The following RORA variants were observed in gnomAD, a reference collection of about 807,000 sequenced individuals.
RORA encodes the protein RAR related orphan receptor A.
RORA carries 7 observed loss-of-function variants against 69.5 expected under a neutral mutation model. The observed-to-expected ratio is 0.10, with a 90% CI of 0.06 to 0.19. RORA has a LOEUF of 0.19. Ranked by LOEUF, RORA falls within the 10% of genes least tolerant of loss-of-function variation. The probability of loss-of-function intolerance (pLI) is 1.00; values close to 1 mark genes in which losing one functional copy is unlikely to be tolerated. For missense variants in RORA, 457 were observed against 663.0 expected, an observed-to-expected ratio of 0.69 and a Z score of 3.41; for synonymous variants, 261 against 240.8, an observed-to-expected ratio of 1.08 and a Z score of -0.78.
At chr15:60,529,948 G>A (rs973862594) in intron 3 of RORA, 8 of 152,180 alleles carry the variant, frequency 5.3e-5, no homozygotes, top group African/African-American at 1.2e-4. Context: ...AGAATGAAGG[G>A]ACAAATGGTG....
chr15:61,127,618 C>T (rs754204849), intron 1 of RORA, among the ~76,000 whole-genome samples: 2 of 152,186 alleles, frequency 1.3e-5, no homozygotes, highest in Non-Finnish European at 2.9e-5. Context: ...TCATGTCTGA[C>T]GATTCTGGAG....
chr15:60,874,126 C>T (rs1482033689), intron 1 of RORA, among the ~76,000 whole-genome samples: 1 of 152,088 alleles, frequency 6.6e-6, no homozygotes, highest in African/African-American at 2.4e-5. Flanking sequence ...ATAAAAATCT[C>T]ATTTTATAAT....
intron 2 of RORA, among the ~76,000 whole-genome samples, chr15:60,572,918 C>G (rs932121161): frequency 2.6e-5 from 4 of 152,214 alleles, no homozygotes; most frequent in African/African-American, 9.7e-5. Flanking sequence ...ACCACAGCAA[C>G]TCTAATTCAA....
intron 1 of RORA, among the ~76,000 whole-genome samples, chr15:60,839,836 C>G: frequency 6.6e-6 from 1 of 152,182 alleles, no homozygotes; most frequent in East Asian, 1.9e-4. Flanking sequence ...GTGCATATAT[C>G]ATATATGTCT....
At chr15:60,605,593 T>C (rs779378309) in intron 2 of RORA, among the ~76,000 whole-genome samples, 4 of 152,194 alleles carry the variant, frequency 2.6e-5, no homozygotes, top group Non-Finnish European at 4.4e-5. Context: ...TGATCAGATA[T>C]GATTAATGAT....
At chr15:61,212,411 A>T (rs1567039800) in intron 1 of RORA, among the ~76,000 whole-genome samples, 1 of 152,016 alleles carries the variant, frequency 6.6e-6, no homozygotes, top group East Asian at 1.9e-4. Flanking sequence ...TTACTTATTT[A>T]TTTTTTGGGA....
At chr15:60,697,292 G>C (rs1480733451) in intron 1 of RORA, among the ~76,000 whole-genome samples, 17 of 152,076 alleles carry the variant, frequency 1.1e-4, no homozygotes, top group Admixed American at 1.1e-3. Flanking sequence ...AAGCCCATTG[G>C]AATAAACATC....
At chr15:60,806,448 C>T (rs2072660897) in intron 1 of RORA, among the ~76,000 whole-genome samples, 1 of 152,152 alleles carries the variant, frequency 6.6e-6, no homozygotes, top group South Asian at 2.1e-4. Flanking sequence ...TCCGGAATGC[C>T]ACTCTTTTAA....
intron 1 of RORA, among the ~76,000 whole-genome samples, chr15:61,104,577 A>G (rs971636445): frequency 5.3e-5 from 8 of 152,200 alleles, no homozygotes; most frequent in African/African-American, 1.9e-4. Flanking sequence ...AATTGTCTAT[A>G]AGGTCCTGAT....
rs1480198961 is a variant in RORA, at chr15:61,092,094, A to C, written c.166+136959T>G. Among the ~76,000 whole-genome samples, 4 of 152,230 alleles carry C rather than the reference A, an allele frequency of 2.6e-5. No homozygotes were observed. In the East Asian group the frequency reaches 7.7e-4, roughly 29 times the overall value. On this transcript the variant is annotated intron_variant, in intron 1 of 10. Coordinates refer to ENST00000335670, the MANE Select transcript of RORA (RefSeq NM_134261.3). ...TCCTCTAGGGAACTTGGGCCAACACAATGTATTGTTTGGGATCAGGAGAAA... is the reference window on the plus strand; with the variant it reads ...TCCTCTAGGGAACTTGGGCCAACACCATGTATTGTTTGGGATCAGGAGAAA...
intron 1 of RORA, chr15:61,214,265 G>A (rs545334701): frequency 5.9e-5 from 9 of 152,338 alleles, no homozygotes; most frequent in South Asian, 2.1e-4. Flanking sequence ...TTATTAGGCT[G>A]AATATGATAT....
chr15:60,755,599 C>A (rs1259621120), intron 1 of RORA, among the ~76,000 whole-genome samples: 2 of 152,212 alleles, frequency 1.3e-5, no homozygotes, highest in East Asian at 3.9e-4. Context: ...ACAGTCCCAC[C>A]AACAGTGTAA....
intron 1 of RORA, among the ~76,000 whole-genome samples, chr15:60,884,147 G>C (rs1452223971): frequency 6.6e-6 from 1 of 151,950 alleles, no homozygotes. Flanking sequence ...TGGAATAAAA[G>C]AGCTATGCTG....
intron 1 of RORA, among the ~76,000 whole-genome samples, chr15:60,740,858 T>G (rs1320516980): frequency 6.6e-6 from 1 of 152,202 alleles, no homozygotes; most frequent in African/African-American, 2.4e-5. Flanking sequence ...AGAATCCTGT[T>G]GCTACCAATA....
chr15:60,592,624 T>C, intron 2 of RORA: 1 of 1,129,972 alleles, frequency 8.8e-7, no homozygotes, highest in African/African-American at 1.8e-5. Context: ...CTCCGCTTCC[T>C]CCCGGGGCGG....
At chr15:60,901,863 G>A (rs1357696804) in intron 1 of RORA, among the ~76,000 whole-genome samples, 1 of 152,186 alleles carries the variant, frequency 6.6e-6, no homozygotes, top group African/African-American at 2.4e-5. Flanking sequence ...ATGCATTCCA[G>A]TAGTGAAACT....
At chr15:61,070,592 A>G (rs2078327169) in intron 1 of RORA, among the ~76,000 whole-genome samples, 1 of 152,236 alleles carries the variant, frequency 6.6e-6, no homozygotes, top group Non-Finnish European at 1.5e-5. Context: ...TTCAGCAAAC[A>G]TTTATTGAAT....
At chr15:60,978,471 G>A (rs1893940149) in intron 1 of RORA, among the ~76,000 whole-genome samples, 2 of 152,040 alleles carry the variant, frequency 1.3e-5, no homozygotes, top group African/African-American at 4.8e-5. Flanking sequence ...TCTATGGGTT[G>A]CTTTTCACTT....
intron 2 of RORA, among the ~76,000 whole-genome samples, chr15:60,579,670 T>C (rs1242037358): frequency 6.6e-6 from 1 of 152,170 alleles, no homozygotes; most frequent in Admixed American, 6.5e-5. Flanking sequence ...GTCCCAACTC[T>C]TTCCCAAACC....
Sources: gnomAD v4.1 joint callset for allele counts (sites outside exome capture counted in the v4.1 genomes callset) on GRCh38, gnomAD v4.1.1 for gene constraint, MANE v1.5 for transcripts, NCBI Gene and HGNC (gene_info 2026-07-23, HGNC 2026-07-21) for gene names.